The following TRIP12 variants were observed in gnomAD, a reference collection of about 807,000 sequenced individuals.
TRIP12 encodes the protein thyroid hormone receptor interactor 12, also known as E3 ubiquitin-protein ligase TRIP12.
Under a neutral mutation model 244.2 loss-of-function variants are expected in TRIP12, and 25 were observed. The ratio of observed to expected loss-of-function variants is 0.10; its 90% confidence interval spans 0.07 to 0.14. TRIP12 has a LOEUF of 0.14. Ranked by LOEUF, TRIP12 falls within the 10% of genes least tolerant of loss-of-function variation. The pLI is 1.00. For missense variants in TRIP12, 1,677 were observed against 2,486.4 expected (o/e 0.67, Z 6.92); for synonymous variants, 905 against 873.1 (o/e 1.04, Z -0.64).
intron 1 of TRIP12, among the ~76,000 whole-genome samples, chr2:229,913,388 G>A (rs1422022050): frequency 6.6e-6 from 1 of 152,144 alleles, no homozygotes; most frequent in Non-Finnish European, 1.5e-5. Flanking sequence ...ACAGAACTTG[G>A]AAGACAAGGA....
At chr2:229,844,156 G>A (rs921005028) in intron 4 of TRIP12, among the ~76,000 whole-genome samples, 4 of 152,192 alleles carry the variant, frequency 2.6e-5, no homozygotes, top group African/African-American at 4.8e-5. Context: ...TTACTCTTAT[G>A]TAAGAATAGT....
chr2:229,802,740 C>A (rs1227863969), intron 20 of TRIP12, among the ~76,000 whole-genome samples: 1 of 152,140 alleles, frequency 6.6e-6, no homozygotes, highest in Non-Finnish European at 1.5e-5. Context: ...AAGTCCTATT[C>A]AGAGTTCAAA....
At position 229,864,047 on chromosome 2, in the gene TRIP12, A is replaced by AGAGAGAGAGAGTGAGT; in HGVS notation, c.99-3517_99-3516insACTCACTCTCTCTCTC. Among the ~76,000 whole-genome samples the AGAGAGAGAGAGTGAGT allele has an allele frequency of 4.9e-4, 39 of 79,294 alleles. No individual in the cohort carries two copies. In the East Asian group the frequency reaches 6.1e-3, roughly 12 times the overall value. 52.0% of individuals were successfully genotyped at this position (79,294 alleles called of 152,430 possible). A position where few individuals can be genotyped will look rare whatever the true frequency, so the allele number is the denominator to read the frequency against. On this transcript the variant is annotated intron_variant, in intron 2 of 41. Transcript: ENST00000675903. ...GAGAGAGAGAGAGAGAGAGAGAGAG[A>AGAGAGAGAGAGTGAGT]GTGTGTGTGTGTGTGTGTGTGTGTG... is the stretch of plus-strand genomic sequence containing the variant.
intron 7 of TRIP12, among the ~76,000 whole-genome samples, 176 bp downstream of exon 7, chr2:229,830,580 C>G (rs2053083793): frequency 6.6e-6 from 1 of 152,092 alleles, no homozygotes; most frequent in Non-Finnish European, 1.5e-5. Context: ...AAGAGGCGGA[C>G]AGCTCATCTT....
chr2:229,842,096 G>C, intron 4 of TRIP12, among the ~76,000 whole-genome samples: 1 of 152,166 alleles, frequency 6.6e-6, no homozygotes, highest in East Asian at 1.9e-4. Context: ...TTACTTTTTA[G>C]ACATCTAAAC....
At chr2:229,909,032 C>T (rs998499929) in intron 1 of TRIP12, among the ~76,000 whole-genome samples, 1 of 140,760 alleles carries the variant, frequency 7.1e-6, no homozygotes, top group Admixed American at 7.6e-5. Context: ...AGAGGTTGCA[C>T]TGAGCTGAGA....
At chr2:229,834,453 T>C (rs1354712883) in intron 6 of TRIP12, among the ~76,000 whole-genome samples, 1 of 152,232 alleles carries the variant, frequency 6.6e-6, no homozygotes, top group Non-Finnish European at 1.5e-5. Context: ...GTTCTGATTA[T>C]GTCCAAATCT....
rs537996041 is a variant in TRIP12, at chr2:229,852,395, T to C, written c.1027+6377A>G. On this transcript the variant is annotated intron_variant, in intron 4 of 41. Coordinates refer to ENST00000675903, the MANE Select transcript of TRIP12 (RefSeq NM_001348323.3). The stretch of plus-strand genomic sequence containing the variant: ...TTTTAAATTAGCTTTTATAAGAAGG[T>C]AGATTAGCAAAATATATTTTGAAGC... Among the ~76,000 whole-genome samples the C allele has an allele frequency of 5.3e-5, 8 of 152,232 alleles. No individual in the cohort carries two copies. In the East Asian group the frequency reaches 1.5e-3, roughly 29 times the overall value.
chr2:229,922,874 C>T (rs1560419682), upstream of TRIP12, among the ~76,000 whole-genome samples: 2 of 152,204 alleles, frequency 1.3e-5, no homozygotes, highest in Admixed American at 6.5e-5. Flanking sequence ...GCCACCCCGG[C>T]TTCTTACCCG....
Position 229,767,520 on chromosome 2 carries a change from C to G in TRIP12, c.*34G>C. 1 of 1,545,070 alleles carries G rather than the reference C, an allele frequency of 6.5e-7. No homozygotes were observed. Among genetic ancestry groups the G allele is most frequent in the South Asian group, 1.2e-5 (1 of 80,670 alleles). On this transcript the variant is annotated 3_prime_UTR_variant, in exon 42 of 42. Coordinates refer to ENST00000675903, the MANE Select transcript of TRIP12 (RefSeq NM_001348323.3). Reference sequence around the variant, plus strand: ...AAGAAATCATGATTTGTTTCTTTTGCTGTAACAGGCAGACACTGCATTTCT... The same window carrying G: ...AAGAAATCATGATTTGTTTCTTTTGGTGTAACAGGCAGACACTGCATTTCT...
intron 4 of TRIP12, among the ~76,000 whole-genome samples, chr2:229,852,508 A>G (rs1184456017): frequency 6.6e-6 from 1 of 152,204 alleles, no homozygotes; most frequent in Non-Finnish European, 1.5e-5. Context: ...TACTGGTTTT[A>G]TATTTATGCT....
chr2:229,908,971 T>C (rs1452987474), intron 1 of TRIP12, among the ~76,000 whole-genome samples: 1 of 148,184 alleles, frequency 6.7e-6, no homozygotes, highest in African/African-American at 2.5e-5. Context: ...ATACCTGTGG[T>C]CCCAGCTACT....
At chr2:229,867,772 C>T (rs1472813774) in intron 2 of TRIP12, among the ~76,000 whole-genome samples, 1 of 152,176 alleles carries the variant, frequency 6.6e-6, no homozygotes, top group East Asian at 1.9e-4. Context: ...TGGCAGCTGA[C>T]AATTTCTTAT....
intron 8 of TRIP12, among the ~76,000 whole-genome samples, chr2:229,819,040 CCACACACACACACA>C (rs370625320): frequency 2.8e-4 from 38 of 134,048 alleles, no homozygotes; most frequent in East Asian, 1.1e-3. Context: ...AAAATAAAAA[CCACACACACACACA>C]CACACACACA....
At position 229,766,365 on chromosome 2, in the gene TRIP12, A is replaced by T. The variant is rs915421836; in HGVS notation, c.*1189T>A. The T allele has an allele frequency of 1.3e-5, 2 of 152,236 alleles. No individual in the cohort carries two copies. Among genetic ancestry groups the T allele is most frequent in the Non-Finnish European group, 2.9e-5 (2 of 68,038 alleles). The allele number at this position is 152,236 out of a possible 1,614,324, so 9.4% of individuals were successfully genotyped here. A position where few individuals can be genotyped will look rare whatever the true frequency, so the allele number is the denominator to read the frequency against. ...ATTGAAAGTTATGCATACAGCACAA[A>T]ACTATAAACAAAAAGGTGAAGCAAA... On this transcript the variant is annotated 3_prime_UTR_variant, in exon 42 of 42. Transcript: ENST00000675903.
chr2:229,822,127 C>T (rs768624250), intron 8 of TRIP12, among the ~76,000 whole-genome samples: 4 of 152,030 alleles, frequency 2.6e-5, no homozygotes, highest in Non-Finnish European at 5.9e-5. Context: ...GCGACAAGAG[C>T]GAGACTCCGT....
chr2:229,872,918 A>T (rs747221716), intron 2 of TRIP12, among the ~76,000 whole-genome samples: 1 of 152,236 alleles, frequency 6.6e-6, no homozygotes, highest in Non-Finnish European at 1.5e-5. Context: ...GCCTTTAAGG[A>T]ATAGGACTGT....
intron 1 of TRIP12, among the ~76,000 whole-genome samples, chr2:229,904,027 C>A (rs1407030808): frequency 1.3e-5 from 2 of 151,784 alleles, no homozygotes; most frequent in Non-Finnish European, 2.9e-5. Context: ...CTGAGCAAGA[C>A]CCTGTATCAA....
intron 34 of TRIP12, among the ~76,000 whole-genome samples, chr2:229,783,141 G>C (rs142176992): frequency 2.2e-3 from 336 of 152,308 alleles, no homozygotes; most frequent in Non-Finnish European, 2.4e-3. Context: ...TGTACTTTCT[G>C]CAAGCTAGGA....
Sources: gnomAD v4.1 joint callset for allele counts (sites outside exome capture counted in the v4.1 genomes callset) on GRCh38, gnomAD v4.1.1 for gene constraint, MANE v1.5 for transcripts, NCBI Gene and HGNC (gene_info 2026-07-23, HGNC 2026-07-21) for gene names.